ABCC1: variants seen among roughly 807,000 people sequenced by gnomAD.
ABCC1 encodes ATP binding cassette subfamily C member 1 (ABCC1 blood group).
Under a neutral mutation model 172.9 loss-of-function variants are expected in ABCC1, and 83 were observed. The ratio of observed to expected loss-of-function variants is 0.48; its 90% CI spans 0.40 to 0.58. The LOEUF is 0.58. Among genes scored for constraint, ABCC1 ranks in the 20% least tolerant of loss-of-function variants. The probability of loss-of-function intolerance (pLI) is 0.00; values close to 1 mark genes in which losing one functional copy is unlikely to be tolerated. For synonymous variants in ABCC1, 937 were observed against 825.2 expected, an observed-to-expected ratio of 1.14 and a Z score of -2.32; for missense variants, 1,817 against 2,002.7, an observed-to-expected ratio of 0.91 and a Z score of 1.77.
chr16:15,961,390 C>G (rs2046128438), intron 1 of ABCC1, among the ~76,000 whole-genome samples: 2 of 152,106 alleles, frequency 1.3e-5, no homozygotes, highest in Admixed American at 1.3e-4. Flanking sequence ...ATTGATCTGG[C>G]TGATTGCAGG....
At position 16,062,523 on chromosome 16, in the gene ABCC1, T is replaced by G. The variant is rs566247433; in HGVS notation, c.1678-5633T>G. On this transcript the variant is annotated intron_variant, in intron 12 of 30. Coordinates refer to ENST00000399410, the MANE Select transcript of ABCC1 (RefSeq NM_004996.4). ...TACTGAGCCCGGCTACCGGCTTTAC[T>G]TAACCTTTTCTTGAGCTTTCTTGCC... is the stretch of plus-strand genomic sequence containing the variant. Among the ~76,000 whole-genome samples the G allele has an allele frequency of 1.1e-4, 16 of 152,298 alleles. No individual in the cohort carries two copies. In the South Asian group the frequency reaches 3.1e-3, roughly 30 times the overall value.
rs776383000 is a variant in ABCC1, at chr16:16,052,684, C to T, written c.1381-40C>T. On this transcript the variant is annotated intron_variant, in intron 10 of 30. Coordinates refer to ENST00000399410, the MANE Select transcript of ABCC1 (RefSeq NM_004996.4). ...AAGCTGTTACGGGCCCTGTTTTCTT[C>T]TGTCTGGTGAGTGATGAAGAGTCTC... 7.5e-6 allele frequency: 12 copies of T among 1,600,928 alleles called. No homozygotes were observed. In the Middle Eastern group the frequency reaches 9.9e-4, roughly 132 times the overall value.
intron 1 of ABCC1, among the ~76,000 whole-genome samples, chr16:15,956,361 T>C (rs1033254957): frequency 1.1e-4 from 16 of 150,424 alleles, no homozygotes; most frequent in African/African-American, 3.7e-4. Flanking sequence ...TAAGACTCTG[T>C]CTAAAAAAAA....
At chr16:16,074,137 T>C (rs924690167) in intron 14 of ABCC1, among the ~76,000 whole-genome samples, 3 of 152,184 alleles carry the variant, frequency 2.0e-5, no homozygotes, top group African/African-American at 7.2e-5. Context: ...TTCTTTGTGG[T>C]TGGGGACTGT....
intron 1 of ABCC1, among the ~76,000 whole-genome samples, chr16:15,973,565 A>G (rs1231737106): frequency 6.6e-6 from 1 of 152,138 alleles, no homozygotes; most frequent in South Asian, 2.1e-4. Flanking sequence ...CAATATGTCC[A>G]TCGTGATTGT....
In ABCC1 at chr16:16,125,830, G is replaced by A; in HGVS notation, c.3738G>A (p.Trp1246Ter). 6.2e-7 allele frequency: 1 copy of A among 1,613,846 alleles called. No homozygotes were observed. The highest frequency in any genetic ancestry group is 2.2e-5 in the East Asian group (1 of 44,882). Residue 1246 changes from tryptophan to a stop codon, truncating the protein, a stop_gained, in exon 26 of 31, where the codon TGG becomes TGA. Transcript: ENST00000399410. LOFTEE classifies it high-confidence loss of function. ...YSLQVTTYLNWLVRMSSEMET... is the reference protein window; with the variant it reads ...YSLQVTTYLN ...CACAGGTCACCACGTACTTGAACTG[G>A]CTGGTTCGGATGTCATCTGAAATGG...
chr16:16,111,470 G>T lies in ABCC1; in HGVS notation c.2967G>T (p.Ala989=), dbSNP rs35934123. 2 of 1,614,100 alleles carry T rather than the reference G, an allele frequency of 1.2e-6. No individual in the cohort carries two copies. The highest frequency in any genetic ancestry group is 3.3e-5 in the Admixed American group (2 of 60,012). Residue 989 remains alanine, a synonymous_variant, in exon 22 of 31, where the codon GCG becomes GCT. Transcript: ENST00000399410. Reference sequence around the variant, plus strand: ...TTTTCATGTGTAACCATGTGTCCGCGCTGGCTTCCAACTATTGGCTCAGCC... The same window carrying T: ...TTTTCATGTGTAACCATGTGTCCGCTCTGGCTTCCAACTATTGGCTCAGCC... ...IFLFMCNHVS[A]LASNYWLSLW... is the part of the protein sequence containing the mutation.
At chr16:16,031,544 G>T (rs1012098479) in intron 5 of ABCC1, among the ~76,000 whole-genome samples, 1 of 152,264 alleles carries the variant, frequency 6.6e-6, no homozygotes. Flanking sequence ...TATGTGGCCT[G>T]CAGTGTAGAC....
chr16:16,125,738 G>T, intron 25 of ABCC1, 72 bp from the exon 26 acceptor site: 2 of 181,950 alleles, frequency 1.1e-5, no homozygotes, highest in East Asian at 8.7e-5. Context: ...TTATCTCAGT[G>T]GAAAAAAAGA....
chr16:15,975,705 C>G (rs45457799), intron 1 of ABCC1, among the ~76,000 whole-genome samples: 1 of 151,686 alleles, frequency 6.6e-6, no homozygotes, highest in Non-Finnish European at 1.5e-5. Context: ...TACAGGCATG[C>G]GCCACCATCT....
At chr16:16,062,729 G>A (rs958571791) in intron 12 of ABCC1, among the ~76,000 whole-genome samples, 1 of 152,136 alleles carries the variant, frequency 6.6e-6, no homozygotes, top group African/African-American at 2.4e-5. Context: ...TTTTTCCACT[G>A]GTGTGCATTC....
Position 16,056,161 on chromosome 16 carries a change from C to T in ABCC1, c.1543C>T (p.Leu515=), listed in dbSNP as rs2049644590. 2 of 1,614,092 alleles carry T rather than the reference C, an allele frequency of 1.2e-6. No homozygotes were observed. The highest frequency in any genetic ancestry group is 4.5e-5 in the East Asian group (2 of 44,872). The part of the protein sequence containing the change: ...MNEILNGIKV[L]KLYAWELAFK... ...CGAAATTCTCAATGGGATCAAAGTG[C>T]TAAAGCTTTATGCCTGGGAGCTGGC... Residue 515 remains leucine (L), a synonymous_variant, in exon 12 of 31, where the codon CTA becomes TTA. Coordinates refer to ENST00000399410, the MANE Select transcript of ABCC1 (RefSeq NM_004996.4).
Position 16,133,196 on chromosome 16 carries a change from G to A in ABCC1, c.3967-1154G>A, listed in dbSNP as rs28535049. ...ACCCTTAGACTTTCCTCTGGAATTG[G>A]TCTGACAGTCTTCCTGGCCATTTGC... On this transcript the variant is annotated intron_variant, in intron 27 of 30. Transcript: ENST00000399410. 4.2e-3 allele frequency among the ~76,000 whole-genome samples: 637 copies of A among 152,166 alleles called. 6 individuals carry two copies. The highest frequency in any genetic ancestry group is 0.014 in the African/African-American group (592 of 41,520).
chr16:15,953,415 G>T (rs1486336446), intron 1 of ABCC1, among the ~76,000 whole-genome samples: 1 of 152,164 alleles, frequency 6.6e-6, no homozygotes, highest in Non-Finnish European at 1.5e-5. Flanking sequence ...GTATTAAGCA[G>T]TATAGTGTGG....
At chr16:15,958,820 G>A (rs982316337) in intron 1 of ABCC1, among the ~76,000 whole-genome samples, 2 of 152,056 alleles carry the variant, frequency 1.3e-5, no homozygotes, top group African/African-American at 4.8e-5. Context: ...TTTGCGGGTG[G>A]GGACATGGAG....
At chr16:16,095,940 G>A (rs957677261) in intron 19 of ABCC1, among the ~76,000 whole-genome samples, 3 of 152,114 alleles carry the variant, frequency 2.0e-5, no homozygotes, top group African/African-American at 7.2e-5. Flanking sequence ...AAAGCAACAT[G>A]TGCTCATCGT....
At chr16:16,012,237 A>G (rs1365336678) in intron 3 of ABCC1, among the ~76,000 whole-genome samples, 2 of 152,210 alleles carry the variant, frequency 1.3e-5, no homozygotes, top group African/African-American at 2.4e-5. Flanking sequence ...GACTGGCCCA[A>G]GGTCACCTGG....
intron 16 of ABCC1, among the ~76,000 whole-genome samples, chr16:16,082,169 T>G (rs2050830404): frequency 6.6e-6 from 1 of 152,234 alleles, no homozygotes; most frequent in East Asian, 1.9e-4. Context: ...TTCTGTTCCT[T>G]GAATGTGCCA....
At chr16:16,052,901 C>G (rs556130618) in intron 11 of ABCC1, 85 bp downstream of exon 11, 6 of 1,360,474 alleles carry the variant, frequency 4.4e-6, no homozygotes, top group South Asian at 1.2e-5. Context: ...TCCTTCTGCT[C>G]TGTCCCTGGG....
Sources: allele counts gnomAD v4.1 joint callset (sites outside exome capture counted in the v4.1 genomes callset), GRCh38; gene constraint gnomAD v4.1.1; transcripts MANE v1.5; gene names NCBI Gene and HGNC (gene_info 2026-07-23, HGNC 2026-07-21).